Variants in ZFHX3 observed in about 807,000 individuals in gnomAD.
ZFHX3 encodes zinc finger homeobox protein 3.
In ZFHX3, 42 loss-of-function variants were observed where a neutral mutation model predicts 279.1. That is an observed-to-expected ratio of 0.15 (90% confidence interval 0.12 to 0.19). ZFHX3 has a LOEUF of 0.19. Ranked by LOEUF, ZFHX3 falls within the 10% of genes least tolerant of loss-of-function variation. The probability of loss-of-function intolerance (pLI) is 1.00; values close to 1 mark genes in which losing one functional copy is unlikely to be tolerated. For missense variants in ZFHX3, 4,981 were observed against 4,754.0 expected (o/e 1.05, Z -1.40); for synonymous variants, 2,293 against 1,957.8 (o/e 1.17, Z -4.52).
chr16:73,145,155 C>T (rs1351051921), intron 5 of ZFHX3, among the ~76,000 whole-genome samples: 1 of 152,162 alleles, frequency 6.6e-6, no homozygotes, highest in Non-Finnish European at 1.5e-5. Context: ...ATCTTAGGTT[C>T]AACTCGGGCT....
At chr16:73,423,540 G>T (rs1158889671) in intron 3 of ZFHX3, among the ~76,000 whole-genome samples, 71 of 152,150 alleles carry the variant, frequency 4.7e-4, no homozygotes, top group Non-Finnish European at 1.5e-5. Flanking sequence ...CCTGCTGAAG[G>T]ATTCTGGGGA....
intron 1 of ZFHX3, among the ~76,000 whole-genome samples, chr16:73,710,511 G>A (rs547435510): frequency 7.6e-4 from 114 of 150,938 alleles, no homozygotes; most frequent in Non-Finnish European, 1.2e-3. Context: ...CACAGAAGTC[G>A]GGGAGAGGTT....
In ZFHX3 at chr16:73,398,436, G is replaced by A. The variant is rs376642777; in HGVS notation, c.-1291+57567C>T. 6.0e-4 allele frequency among the ~76,000 whole-genome samples: 92 copies of A among 152,298 alleles called. 1 individual carries two copies. Among genetic ancestry groups the A allele is most frequent in the African/African-American group, 2.2e-3 (92 of 41,560 alleles). Reference sequence around the variant, plus strand: ...CCCGCACTGTTGGTAATTCCAACTGGCACCATGAGAATTTCTGTGAGTGCT... The same window carrying A: ...CCCGCACTGTTGGTAATTCCAACTGACACCATGAGAATTTCTGTGAGTGCT... On this transcript the variant is annotated intron_variant, in intron 3 of 17. Transcript: ENST00000641206.
chr16:73,184,609 C>T (rs61096508), intron 5 of ZFHX3, among the ~76,000 whole-genome samples: 1 of 152,152 alleles, frequency 6.6e-6, no homozygotes, highest in African/African-American at 2.4e-5. Flanking sequence ...AAAAACCTTC[C>T]TAGGGACACT....
chr16:72,967,444 T>C (rs1961897265), intron 1 of ZFHX3, among the ~76,000 whole-genome samples: 1 of 150,988 alleles, frequency 6.6e-6, no homozygotes, highest in African/African-American at 2.4e-5. Context: ...AATCCCCAAG[T>C]CCCTACTTTA....
intron 2 of ZFHX3, among the ~76,000 whole-genome samples, chr16:73,645,415 C>T (rs1032858373): frequency 6.6e-6 from 1 of 152,152 alleles, no homozygotes; most frequent in African/African-American, 2.4e-5. Context: ...CGCCGCCACA[C>T]CCGGCTAATT....
intron 4 of ZFHX3, among the ~76,000 whole-genome samples, chr16:72,880,277 G>C (rs1260312157): frequency 6.6e-6 from 1 of 152,214 alleles, no homozygotes; most frequent in African/African-American, 2.4e-5. Context: ...CTGGGTAATA[G>C]ACTGAACTGT....
At chr16:73,865,245 T>C (rs971360879) in intron 1 of ZFHX3, among the ~76,000 whole-genome samples, 3 of 152,236 alleles carry the variant, frequency 2.0e-5, no homozygotes, top group South Asian at 2.1e-4. Context: ...GGGTTTCTTA[T>C]GCAGCAAATG....
At chr16:73,500,478 C>G (rs1249480276) in intron 2 of ZFHX3, among the ~76,000 whole-genome samples, 1 of 151,926 alleles carries the variant, frequency 6.6e-6, no homozygotes, top group Non-Finnish European at 1.5e-5. Context: ...CAGGCACATG[C>G]CACCATGCCT....
chr16:73,028,785 CG>C (rs58987179), intron 1 of ZFHX3, among the ~76,000 whole-genome samples: 55,552 of 151,982 alleles, frequency 0.37, 10,764 homozygotes, highest in East Asian at 0.71. Context: ...CCCACAGCCC[CG>C]GGGCACCCAA....
chr16:73,662,247 T>C (rs542848591), intron 2 of ZFHX3, among the ~76,000 whole-genome samples: 4 of 152,336 alleles, frequency 2.6e-5, no homozygotes, highest in African/African-American at 9.6e-5. Context: ...ATTAGCACTT[T>C]TGCGCAAGTG....
intron 1 of ZFHX3, among the ~76,000 whole-genome samples, chr16:73,769,973 T>C (rs1237264475): frequency 6.6e-6 from 1 of 152,180 alleles, no homozygotes; most frequent in East Asian, 1.9e-4. Flanking sequence ...CATAGTGCAC[T>C]CAGATGTGAT....
chr16:73,496,556 A>G (rs1398544107), intron 2 of ZFHX3, among the ~76,000 whole-genome samples: 3 of 152,100 alleles, frequency 2.0e-5, no homozygotes, highest in Non-Finnish European at 4.4e-5. Context: ...AAAGAAACAC[A>G]TTTTTAAAAA....
rs184217590 is a variant in ZFHX3, at chr16:72,965,864, T to C, written c.-49-5670A>G. On this transcript the variant is annotated intron_variant, in intron 1 of 9. Transcript: ENST00000268489. ...TTAGGGGTGGGATGATCCTGAGGAA[T>C]TAGCGATTAGCTGTAGGTCCAGTAA... is the stretch of plus-strand genomic sequence containing the variant. Among the ~76,000 whole-genome samples, 283 of 152,312 alleles carry C rather than the reference T, an allele frequency of 1.9e-3. 3 individuals carry two copies. The highest frequency in any genetic ancestry group is 2.0e-3 in the Non-Finnish European group (135 of 68,032).
intron 4 of ZFHX3, among the ~76,000 whole-genome samples, chr16:73,277,545 C>G (rs1484096701): frequency 6.6e-6 from 1 of 152,154 alleles, no homozygotes; most frequent in Non-Finnish European, 1.5e-5. Flanking sequence ...GAATTAAATC[C>G]TCATGACTTT....
intron 4 of ZFHX3, among the ~76,000 whole-genome samples, chr16:72,874,539 C>T (rs1375354200): frequency 6.6e-6 from 1 of 151,898 alleles, no homozygotes; most frequent in Non-Finnish European, 1.5e-5. Context: ...AGGCAACAAG[C>T]GCTTGGTGAG....
chr16:73,069,268 C>G (rs532751757), intron 8 of ZFHX3, among the ~76,000 whole-genome samples: 1 of 152,104 alleles, frequency 6.6e-6, no homozygotes, highest in Non-Finnish European at 1.5e-5. Context: ...TCTTTTAACC[C>G]GAGGGCTGAA....
intron 1 of ZFHX3, among the ~76,000 whole-genome samples, chr16:73,749,223 G>C (rs893700815): frequency 6.6e-6 from 1 of 151,680 alleles, no homozygotes; most frequent in African/African-American, 2.4e-5. Context: ...TTATTGTTTT[G>C]TCTGCCTGGT....
intron 1 of ZFHX3, among the ~76,000 whole-genome samples, chr16:73,018,278 A>C (rs62053235): frequency 1.1e-3 from 1 of 924 alleles, no homozygotes; most frequent in Non-Finnish European, 2.7e-3. Context: ...AGGCGTGAGC[A>C]TACACGCCTG....
Sources: allele counts gnomAD v4.1 joint callset (sites outside exome capture counted in the v4.1 genomes callset), GRCh38; gene constraint gnomAD v4.1.1; transcripts MANE v1.5; gene names NCBI Gene and HGNC (gene_info 2026-07-23, HGNC 2026-07-21).